GABRE: variants seen among roughly 807,000 people sequenced by gnomAD.
The protein encoded by GABRE is gamma-aminobutyric acid receptor subunit epsilon.
A neutral mutation model predicts 31.0 loss-of-function variants in GABRE; 20 were observed. That is an observed-to-expected ratio of 0.64 (90% confidence interval 0.45 to 0.94). GABRE has a LOEUF of 0.94. GABRE is among the 40% of genes least tolerant of loss of function. The pLI is 0.00. For synonymous variants in GABRE, 155 were observed against 150.6 expected, an observed-to-expected ratio of 1.03 and a Z score of -0.21; for missense variants, 420 against 410.7, an observed-to-expected ratio of 1.02 and a Z score of -0.20.
chrX:151,963,988 A>T (rs1384271542), intron 3 of GABRE, among the ~76,000 whole-genome samples: 1 of 112,442 alleles, frequency 8.9e-6, no homozygotes, highest in Non-Finnish European at 1.9e-5. Flanking sequence ...TGTCAAAATA[A>T]AAAAAGATTA....
chrX:151,959,049 G>A, intron 6 of GABRE: 2 of 331,036 alleles, frequency 6.0e-6, no homozygotes, highest in Non-Finnish European at 1.2e-5. Flanking sequence ...TGAGGGCAGT[G>A]CCTTCACTGC....
At chrX:151,973,626 T>C (rs1326735725) in intron 1 of GABRE, among the ~76,000 whole-genome samples, 1 of 110,939 alleles carries the variant, frequency 9.0e-6, no homozygotes, top group African/African-American at 3.3e-5. Flanking sequence ...GCTTGCAAAT[T>C]TGTGACACTT....
At chrX:151,968,485 C>T (rs923991226) in intron 3 of GABRE, among the ~76,000 whole-genome samples, 1 of 112,104 alleles carries the variant, frequency 8.9e-6, no homozygotes, top group African/African-American at 3.2e-5. Flanking sequence ...TTAGCCTATG[C>T]GAACACCTTG....
intron 2 of GABRE, 195 bp downstream of exon 2, chrX:151,969,990 G>A: frequency 9.2e-7 from 1 of 1,082,486 alleles, no homozygotes; most frequent in Non-Finnish European, 1.2e-6. Context: ...CTGAGGGCGA[G>A]AGAAGGGAAA....
At chrX:151,955,241 C>T (rs756770199) in intron 8 of GABRE, 127 bp downstream of exon 8, 39 of 1,186,407 alleles carry the variant, frequency 3.3e-5, no homozygotes, top group East Asian at 2.8e-4. Flanking sequence ...GATTCAACCC[C>T]GCCACCACCC....
Position 151,955,045 on chromosome X carries a change from G to C in GABRE, c.1177C>G (p.Arg393Gly), listed in dbSNP as rs753240533. The change falls in exon 9 of 9, where the codon CGT (arginine) becomes GGT (glycine). Residue 393 changes from arginine (R) to glycine (G), a missense_variant. By Grantham distance (125) the Arg-to-Gly change is moderately radical. Transcript: ENST00000370328. ...TGTTGGCGGGCACAGGCTCGGGAAC[G>C]TGCACGGGTACGGGCATGGGCACGG... ...NSRAHARTRARSRACARQHQE... is the reference protein window; with the variant it reads ...NSRAHARTRAGSRACARQHQE... The C allele has an allele frequency of 8.3e-6, 10 of 1,200,852 alleles. No homozygotes were observed. The highest frequency in any genetic ancestry group is 1.1e-5 in the Non-Finnish European group (10 of 890,620).
chrX:151,974,262 G>A (rs1305181781), intron 1 of GABRE, among the ~76,000 whole-genome samples: 1 of 111,945 alleles, frequency 8.9e-6, no homozygotes, highest in Non-Finnish European at 1.9e-5. Flanking sequence ...AGGAGTGCTT[G>A]TCACCAGGCC....
intron 3 of GABRE, among the ~76,000 whole-genome samples, chrX:151,963,100 C>T (rs747568525): frequency 4.5e-5 from 5 of 112,310 alleles, no homozygotes; most frequent in Non-Finnish European, 7.5e-5. Context: ...AGAAATGATA[C>T]GTCATTGAAT....
chrX:151,962,500 C>G lies in GABRE; in HGVS notation c.486G>C (p.Arg162Ser). The change falls in exon 4 of 9, where the codon AGG becomes AGC. Residue 162 changes from arginine to serine, a missense_variant. Physicochemically the swap from Arg to Ser is moderately radical, Grantham distance 110. Transcript: ENST00000370328. ...GCATGGTGATCTCATGCTCGTGGGT[C>G]CTCTTAGAATTCCTAAAAAAGGTGT... ...IPDTFFRNSK[R>S]THEHEITMPN... The G allele has an allele frequency of 1.7e-6, 2 of 1,211,086 alleles. No homozygotes were observed. The highest frequency in any genetic ancestry group is 2.2e-6 in the Non-Finnish European group (2 of 895,315).
At position 151,959,958 on chromosome X, in the gene GABRE, T is replaced by C; in HGVS notation, c.665A>G (p.Glu222Gly). ...SFSSFSYPEN[E>G]MIYKWENFKL... ...GAAATTTTCCCACTTGTAGATCATC[T>C]CATTCTCAGGATAGGAAACTGGAAA... Residue 222 changes from glutamate to glycine, a missense_variant, in exon 6 of 9, where the codon GAG becomes GGG. Transcript: ENST00000370328. The C allele has an allele frequency of 8.3e-7, 1 of 1,209,867 alleles. No individual in the cohort carries two copies. Among genetic ancestry groups the C allele is most frequent in the Non-Finnish European group, 1.1e-6 (1 of 894,486 alleles).
rs200914254 is a variant in GABRE, at chrX:151,962,584, G to A, written c.402C>T (p.Asn134=). Residue 134 remains asparagine (N), a synonymous_variant, in exon 4 of 9, where the codon AAC becomes AAT. Transcript: ENST00000370328. ...TCAGAACAAGAGACTCAAAGGTGTC[G>A]TTGTAACAGAGGCGTTCGTCGTACC... ...QTWYDERLCY[N]DTFESLVLNG... The A allele has an allele frequency of 5.8e-5, 70 of 1,209,298 alleles. No homozygotes were observed. The Middle Eastern group carries it at 6.9e-4, about 12-fold the overall frequency.
chrX:151,970,997 G>T, intron 1 of GABRE: 1 of 561,454 alleles, frequency 1.8e-6, no homozygotes, highest in Non-Finnish European at 2.2e-6. Flanking sequence ...CCCACAGACA[G>T]CCATCCAGGA....
chrX:151,962,607 AC>A lies in GABRE; in HGVS notation c.378del (p.Trp126CysfsTer17). 1 of 1,211,200 alleles carries A rather than the reference AC, an allele frequency of 8.3e-7. No homozygotes were observed. Among genetic ancestry groups the A allele is most frequent in the Non-Finnish European group, 1.1e-6 (1 of 894,988 alleles). The part of the protein sequence containing the change: ...YTIDIIFSQT[W>X]YDERLCYNDT... ...TCGTTGTAACAGAGGCGTTCGTCGTACCAGGTCTGGGAGAAGATGATGTCAA... is the reference window on the plus strand; with the variant it reads ...TCGTTGTAACAGAGGCGTTCGTCGTACAGGTCTGGGAGAAGATGATGTCAA... On this transcript the variant is annotated frameshift_variant, in exon 4 of 9. Transcript: ENST00000370328. LOFTEE classifies it high-confidence loss of function.
intron 6 of GABRE, chrX:151,958,491 C>G: frequency 6.0e-6 from 2 of 330,785 alleles, no homozygotes; most frequent in South Asian, 5.6e-5. Context: ...AGAAAGAAGA[C>G]CTCTTTTCTC....
intron 4 of GABRE, among the ~76,000 whole-genome samples, chrX:151,962,147 G>A (rs1004709877): frequency 8.9e-6 from 1 of 112,068 alleles, no homozygotes; most frequent in Non-Finnish European, 1.9e-5. Flanking sequence ...AGTCATACTG[G>A]CACATCCTAG....
chrX:151,957,762 AG>A (rs1934222341), intron 6 of GABRE: 1 of 222,299 alleles, frequency 4.5e-6, no homozygotes, highest in South Asian at 5.6e-5. Context: ...GATGAACCAA[AG>A]CAAAAAAATA....
intron 6 of GABRE, 97 bp downstream of exon 6, chrX:151,959,742 T>C: frequency 1.1e-6 from 1 of 935,148 alleles, no homozygotes; most frequent in African/African-American, 1.9e-5. Context: ...TGTCTTACAA[T>C]GTTTGCACGG....
chrX:151,965,617 T>A (rs1437930716), intron 3 of GABRE, among the ~76,000 whole-genome samples: 1 of 112,555 alleles, frequency 8.9e-6, no homozygotes, highest in Non-Finnish European at 1.9e-5. Context: ...GCACCAACAA[T>A]CTCTTTAGGT....
chrX:151,959,279 AC>A, intron 6 of GABRE: 1 of 241,722 alleles, frequency 4.1e-6, no homozygotes, highest in Non-Finnish European at 7.8e-6. Flanking sequence ...TGTGGAATCC[AC>A]CATGAAGCCT....
Sources: gnomAD v4.1 joint callset for allele counts (sites outside exome capture counted in the v4.1 genomes callset) on GRCh38, gnomAD v4.1.1 for gene constraint, MANE v1.5 for transcripts, NCBI Gene and HGNC (gene_info 2026-07-23, HGNC 2026-07-21) for gene names.